Variants in RNF150 observed in about 807,000 individuals in gnomAD.
The protein encoded by RNF150 is ring finger protein 150.
In RNF150, 24 loss-of-function variants were observed where a neutral mutation model predicts 39.3. The observed-to-expected ratio is 0.61, with a 90% confidence interval of 0.44 to 0.86. RNF150 has a LOEUF of 0.86. Ranked by LOEUF, RNF150 falls within the 40% of genes least tolerant of loss-of-function variation. RNF150 has a pLI of 0.00. For missense variants in RNF150, 502 were observed against 587.8 expected (o/e 0.85, Z 1.51); for synonymous variants, 255 against 227.3 (o/e 1.12, Z -1.10).
intron 6 of RNF150, among the ~76,000 whole-genome samples, chr4:140,883,139 T>C (rs1247712564): frequency 1.3e-5 from 2 of 152,194 alleles, no homozygotes; most frequent in East Asian, 3.8e-4. Context: ...TTTAAGCAGA[T>C]AATGCCACAT....
chr4:141,163,673 T>G lies in RNF150; in HGVS notation c.-6+49121A>C, dbSNP rs552818127. Among the ~76,000 whole-genome samples, 6 of 152,082 alleles carry G rather than the reference T, an allele frequency of 3.9e-5. 1 individual carries two copies. In the South Asian group the frequency reaches 1.2e-3, roughly 32 times the overall value. ...ATACCCAGGCAAGCATGGTCTAGAG[T>G]GGACCTCCAGCAAACTCCAGCAGAC... is the stretch of plus-strand genomic sequence containing the variant. On this transcript the variant is annotated intron_variant, in intron 1 of 7. Coordinates refer to the RNF150 transcript ENST00000420921.
chr4:141,025,193 C>T (rs988710226), intron 1 of RNF150, among the ~76,000 whole-genome samples: 5 of 151,906 alleles, frequency 3.3e-5, no homozygotes, highest in Admixed American at 6.6e-5. Flanking sequence ...ATACTAAAGT[C>T]GTAAAAGGAA....
intron 1 of RNF150, among the ~76,000 whole-genome samples, chr4:141,187,732 C>T (rs1728037968): frequency 6.6e-6 from 1 of 152,076 alleles, no homozygotes; most frequent in African/African-American, 2.4e-5. Context: ...TTATTTTGAG[C>T]CTATGTGTGT....
rs770702593 is a variant in RNF150 at position 140,911,145 on chromosome 4, G to A, written c.1197C>T (p.Asn399=). The part of the protein sequence containing the change: ...PQEGDVIFTT[N]SEQEPAVSSD... ...CACTTTAAGTATGGCAGAACTCACTGTTAGTAGTAAAGATGACGTCTCCCT... is the reference window on the plus strand; with the variant it reads ...CACTTTAAGTATGGCAGAACTCACTATTAGTAGTAAAGATGACGTCTCCCT... Residue 399 remains asparagine (N), a splice_region_variant and synonymous_variant, in exon 6 of 7, where the codon AAC becomes AAT. Coordinates refer to ENST00000515673, the MANE Select transcript of RNF150 (RefSeq NM_020724.2). 1.2e-6 allele frequency: 2 copies of A among 1,611,536 alleles called. No homozygotes were observed. Among genetic ancestry groups the A allele is most frequent in the East Asian group, 2.2e-5 (1 of 44,882 alleles).
chr4:141,077,429 T>C (rs1737938072), intron 1 of RNF150, among the ~76,000 whole-genome samples: 1 of 152,210 alleles, frequency 6.6e-6, no homozygotes, highest in African/African-American at 2.4e-5. Flanking sequence ...CAAAAGCATT[T>C]TGGGGCTGAT....
intron 5 of RNF150, among the ~76,000 whole-genome samples, chr4:140,915,012 G>A (rs1730759127): frequency 6.6e-6 from 1 of 152,158 alleles, no homozygotes; most frequent in Non-Finnish European, 1.5e-5. Context: ...TAGTAGATCA[G>A]GATTACAGCC....
At chr4:140,993,032 C>T (rs1234159210) in intron 1 of RNF150, among the ~76,000 whole-genome samples, 3 of 152,042 alleles carry the variant, frequency 2.0e-5, no homozygotes, top group Non-Finnish European at 4.4e-5. Context: ...GTCGCTCATC[C>T]TCCCTTGGGG....
chr4:141,096,777 G>A (rs1036504453), intron 1 of RNF150, among the ~76,000 whole-genome samples: 18 of 152,224 alleles, frequency 1.2e-4, no homozygotes, highest in African/African-American at 3.6e-4. Flanking sequence ...CACATATTCC[G>A]TTACACAGAC....
At chr4:140,961,503 T>C (rs919343783) in intron 2 of RNF150, among the ~76,000 whole-genome samples, 4 of 152,196 alleles carry the variant, frequency 2.6e-5, no homozygotes, top group African/African-American at 9.6e-5. Context: ...AGTCACTCTT[T>C]CTGAAGGACA....
At chr4:141,136,281 T>C (rs930050104), upstream of RNF150, among the ~76,000 whole-genome samples, 1 of 152,142 alleles carries the variant, frequency 6.6e-6, no homozygotes, top group Non-Finnish European at 1.5e-5. Flanking sequence ...ATGTCTGTGG[T>C]TGGGGGGCTA....
chr4:141,185,790 T>G (rs1456852817), intron 1 of RNF150, among the ~76,000 whole-genome samples: 1 of 152,242 alleles, frequency 6.6e-6, no homozygotes, highest in Non-Finnish European at 1.5e-5. Context: ...GAGATAATCA[T>G]GTGGTTTTTG....
chr4:141,101,764 A>G (rs938209921), intron 1 of RNF150, among the ~76,000 whole-genome samples: 6 of 152,008 alleles, frequency 3.9e-5, no homozygotes, highest in African/African-American at 1.4e-4. Flanking sequence ...GAAATTTTTT[A>G]GCTCCATTAT....
intron 1 of RNF150, among the ~76,000 whole-genome samples, chr4:141,031,748 A>G (rs1056704530): frequency 3.9e-5 from 6 of 152,150 alleles, no homozygotes; most frequent in Non-Finnish European, 7.4e-5. Context: ...AAATGACAGA[A>G]AAGTTTTGGT....
rs542582827 is a variant in RNF150, at chr4:141,148,466, G to T, written c.-6+64328C>A. On this transcript the variant is annotated intron_variant, in intron 1 of 7. Coordinates refer to the RNF150 transcript ENST00000420921. ...AAGCTTTTCACTTTTTTTTTTAGATGGAGTTTTGTTCTTGTTGCCCAGGCT... is the reference window on the plus strand; with the variant it reads ...AAGCTTTTCACTTTTTTTTTTAGATTGAGTTTTGTTCTTGTTGCCCAGGCT... Among the ~76,000 whole-genome samples, 5 of 152,002 alleles carry T rather than the reference G, an allele frequency of 3.3e-5. No homozygotes were observed. The South Asian group carries it at 1.0e-3, about 32-fold the overall frequency.
At chr4:141,139,633 CTGCAGTT>C (rs370754493) in intron 1 of RNF150, among the ~76,000 whole-genome samples, 58 of 152,190 alleles carry the variant, frequency 3.8e-4, no homozygotes, top group African/African-American at 1.4e-3. Context: ...TAATGAAGAG[CTGCAGTT>C]TTTGACCACT....
At chr4:141,194,136 T>C (rs1372898554) in intron 1 of RNF150, among the ~76,000 whole-genome samples, 1 of 152,186 alleles carries the variant, frequency 6.6e-6, no homozygotes, top group Non-Finnish European at 1.5e-5. Flanking sequence ...TTAACTGGAA[T>C]CATCGATGGA....
At chr4:140,976,340 C>T (rs1733663768) in intron 1 of RNF150, among the ~76,000 whole-genome samples, 1 of 151,970 alleles carries the variant, frequency 6.6e-6, no homozygotes, top group African/African-American at 2.4e-5. Context: ...ATCTGCCAAC[C>T]TCCTGTTATC....
chr4:141,103,642 A>G (rs1578733328), intron 1 of RNF150, among the ~76,000 whole-genome samples: 1 of 152,224 alleles, frequency 6.6e-6, no homozygotes, highest in African/African-American at 2.4e-5. Context: ...ACGGAACAAT[A>G]GCTACCCATA....
At chr4:140,964,386 C>T (rs147416057) in intron 2 of RNF150, among the ~76,000 whole-genome samples, 9 of 151,936 alleles carry the variant, frequency 5.9e-5, no homozygotes, top group East Asian at 5.8e-4. Context: ...GTAAATAGAG[C>T]GAGAGAGCTC....
Sources: gnomAD v4.1 joint callset for allele counts (sites outside exome capture counted in the v4.1 genomes callset) on GRCh38, gnomAD v4.1.1 for gene constraint, MANE v1.5 for transcripts, NCBI Gene and HGNC (gene_info 2026-07-23, HGNC 2026-07-21) for gene names.